CUX1: variants seen among roughly 807,000 people sequenced by gnomAD.
CUX1 encodes the protein protein CASP.
CUX1 carries 31 observed loss-of-function variants against 158.8 expected under a neutral mutation model. That is an observed-to-expected ratio of 0.20 (90% CI 0.15 to 0.26). CUX1 has a LOEUF of 0.26. Among genes scored for constraint, CUX1 ranks in the 10% least tolerant of loss-of-function variants. The pLI is 1.00. For synonymous variants in CUX1, 879 were observed against 862.1 expected (o/e 1.02, Z -0.34); for missense variants, 1,589 against 2,014.6 (o/e 0.79, Z 4.04).
intron 8 of CUX1, 184 bp downstream of exon 8, chr7:102,115,457 C>T: frequency 2.0e-6 from 1 of 502,202 alleles, no homozygotes; most frequent in African/African-American, 2.0e-5. Flanking sequence ...TTCCAACAAA[C>T]TTCTTTCCTT....
chr7:102,201,025 T>TAAAAACAAAAAAAAA lies in CUX1; in HGVS notation c.2063-330_2063-329insCAAAAAAAAAAAAAA, dbSNP rs1795372492. The stretch of plus-strand genomic sequence containing the variant: ...CTGGACAACAGCGAGATCCTGTCGC[T>TAAAAACAAAAAAAAA]AAAAAAAAAAAAAAAAAAAAAAAAA... On this transcript the variant is annotated intron_variant, in intron 17 of 23. Transcript: ENST00000292535. This position sits in a 1 kb window ranked among gnomAD's most constrained non-coding sequence, Gnocchi z 5.0. 2.4e-5 allele frequency among the ~76,000 whole-genome samples: 1 copy of TAAAAACAAAAAAAAA among 42,144 alleles called. No individual in the cohort carries two copies. The highest frequency in any genetic ancestry group is 1.0e-4 in the African/African-American group (1 of 9,692). The allele number at this position is 42,144 out of a possible 152,430, so 27.6% of individuals were successfully genotyped here.
chr7:102,232,049 T>C (rs1335629581), intron 21 of CUX1, among the ~76,000 whole-genome samples: 2 of 151,942 alleles, frequency 1.3e-5, no homozygotes, highest in Non-Finnish European at 2.9e-5. Context: ...AAAAAAATCA[T>C]AAGGACTTGG....
chr7:101,956,013 T>C (rs1809729981), intron 2 of CUX1, among the ~76,000 whole-genome samples: 1 of 151,794 alleles, frequency 6.6e-6, no homozygotes, highest in Non-Finnish European at 1.5e-5. Context: ...AAACCCCGTC[T>C]CTACTAAAAA....
intron 22 of CUX1, 97 bp downstream of exon 22, chr7:102,234,337 C>T (rs1554531876): frequency 8.4e-7 from 1 of 1,191,640 alleles, no homozygotes; most frequent in Non-Finnish European, 1.1e-6. Flanking sequence ...GGGACATTGA[C>T]CCATGACCAA....
At chr7:101,926,424 C>T (rs1021838785) in intron 2 of CUX1, among the ~76,000 whole-genome samples, 4 of 152,066 alleles carry the variant, frequency 2.6e-5, no homozygotes, top group African/African-American at 9.7e-5. Flanking sequence ...GCATTATCCC[C>T]CTACATCCCA....
intron 1 of CUX1, among the ~76,000 whole-genome samples, chr7:101,890,020 C>T (rs939754945): frequency 1.3e-5 from 2 of 152,164 alleles, no homozygotes; most frequent in African/African-American, 2.4e-5. Flanking sequence ...TGGAACCACT[C>T]CCGCCAGTGT....
At chr7:101,836,144 G>A (rs1398364889) in intron 1 of CUX1, among the ~76,000 whole-genome samples, 1 of 152,128 alleles carries the variant, frequency 6.6e-6, no homozygotes, top group African/African-American at 2.4e-5. Flanking sequence ...ATTAGCCGTC[G>A]CTACCTCCCT....
chr7:101,965,239 T>C (rs893183177), intron 2 of CUX1, among the ~76,000 whole-genome samples: 1 of 152,168 alleles, frequency 6.6e-6, no homozygotes, highest in African/African-American at 2.4e-5. Flanking sequence ...CAGCTGACGT[T>C]GATCAGGTCC....
rs912089466 is a variant in CUX1, at chr7:102,258,160, C to T, written c.*9118C>T. 8.6e-5 allele frequency: 85 copies of T among 984,878 alleles called. No homozygotes were observed. Among genetic ancestry groups the T allele is most frequent in the Non-Finnish European group, 9.9e-5 (82 of 829,630 alleles). 61.0% of individuals were successfully genotyped at this position (984,878 alleles called of 1,614,324 possible). On this transcript the variant is annotated 3_prime_UTR_variant, in exon 24 of 24. Coordinates refer to ENST00000292535, the MANE Select transcript of CUX1 (RefSeq NM_181552.4). ...GGAGAAGCAATATCACTGTATGAGACTCACACCATGTATTATTATTCACTA... is the reference window on the plus strand; with the variant it reads ...GGAGAAGCAATATCACTGTATGAGATTCACACCATGTATTATTATTCACTA...
At chr7:101,973,347 A>G (rs1392462993) in intron 2 of CUX1, among the ~76,000 whole-genome samples, 1 of 152,048 alleles carries the variant, frequency 6.6e-6, no homozygotes, top group African/African-American at 2.4e-5. Context: ...CGGCTCCCAG[A>G]AGGCACGTGT....
intron 11 of CUX1, among the ~76,000 whole-genome samples, chr7:102,182,470 T>C (rs1443614613): frequency 6.6e-6 from 1 of 152,252 alleles, no homozygotes; most frequent in Non-Finnish European, 1.5e-5. Flanking sequence ...TTCACAAGGA[T>C]ACCAGACAGC....
At chr7:101,965,260 C>A (rs190367601) in intron 2 of CUX1, among the ~76,000 whole-genome samples, 1 of 152,120 alleles carries the variant, frequency 6.6e-6, no homozygotes, top group Admixed American at 6.5e-5. Flanking sequence ...TTGGTGTGGG[C>A]GAGGCACTGT....
intron 1 of CUX1, among the ~76,000 whole-genome samples, chr7:101,914,738 A>T (rs1014691078): frequency 6.6e-6 from 1 of 151,940 alleles, no homozygotes; most frequent in Non-Finnish European, 1.5e-5. Flanking sequence ...ACCTCGGGTG[A>T]TCCACCCACC....
intron 2 of CUX1, among the ~76,000 whole-genome samples, chr7:101,941,564 T>A (rs1481492145): frequency 6.6e-6 from 1 of 152,220 alleles, no homozygotes; most frequent in African/African-American, 2.4e-5. Context: ...CTCAAGCTAC[T>A]GGATCTCCTT....
At chr7:101,919,748 G>T (rs150837976) in intron 2 of CUX1, among the ~76,000 whole-genome samples, 1 of 152,246 alleles carries the variant, frequency 6.6e-6, no homozygotes, top group African/African-American at 2.4e-5. Context: ...TCTGCCATCG[G>T]AGATTTCACC....
intron 2 of CUX1, among the ~76,000 whole-genome samples, chr7:102,026,777 G>A (rs1183198584): frequency 1.5e-5 from 2 of 134,216 alleles, no homozygotes; most frequent in Admixed American, 8.5e-5. Context: ...CCGAGATCTC[G>A]CCACTGCACT....
intron 10 of CUX1, among the ~76,000 whole-genome samples, chr7:102,175,579 T>C (rs1394265795): frequency 6.6e-6 from 1 of 152,046 alleles, no homozygotes; most frequent in African/African-American, 2.4e-5. Flanking sequence ...TGCCAGCCTC[T>C]GCACCTGCCT....
At chr7:101,899,477 A>G (rs1238185084) in intron 1 of CUX1, among the ~76,000 whole-genome samples, 1 of 152,180 alleles carries the variant, frequency 6.6e-6, no homozygotes, top group Non-Finnish European at 1.5e-5. Context: ...TCTTGAACCC[A>G]GGAGGCAGAG....
rs1031856536 is a variant in CUX1, at chr7:102,251,067, C to T, written c.*2025C>T. 1.6e-5 allele frequency: 16 copies of T among 984,914 alleles called. No individual in the cohort carries two copies. The highest frequency in any genetic ancestry group is 1.8e-5 in the Non-Finnish European group (15 of 829,800). 61.0% of individuals were successfully genotyped at this position (984,914 alleles called of 1,614,324 possible). ...AATATTCTTTAGAGGGATAGACTGCCGGCAGTATTGGGTATAATTTACAAG... is the reference window on the plus strand; with the variant it reads ...AATATTCTTTAGAGGGATAGACTGCTGGCAGTATTGGGTATAATTTACAAG... On this transcript the variant is annotated 3_prime_UTR_variant, in exon 24 of 24. Coordinates refer to ENST00000292535, the MANE Select transcript of CUX1 (RefSeq NM_181552.4).
Sources: allele counts gnomAD v4.1 joint callset (sites outside exome capture counted in the v4.1 genomes callset), GRCh38; gene constraint gnomAD v4.1.1; non-coding constraint Gnocchi (gnomAD v3.1); transcripts MANE v1.5; gene names NCBI Gene and HGNC (gene_info 2026-07-23, HGNC 2026-07-21).